PTPRN2: variants seen among roughly 807,000 people sequenced by gnomAD.
PTPRN2 encodes receptor-type tyrosine-protein phosphatase N2.
PTPRN2 carries 74 observed loss-of-function variants against 118.8 expected under a neutral mutation model. The ratio of observed to expected loss-of-function variants is 0.62; its 90% CI spans 0.52 to 0.76. The LOEUF (loss-of-function observed/expected upper bound fraction) is 0.76, where lower values mean the gene tolerates loss of function less well. PTPRN2 is among the 30% of genes least tolerant of loss of function. The probability of loss-of-function intolerance (pLI) is 0.00; values close to 1 mark genes in which losing one functional copy is unlikely to be tolerated. For missense variants in PTPRN2, 1,481 were observed against 1,394.4 expected, an observed-to-expected ratio of 1.06 and a Z score of -0.99; for synonymous variants, 641 against 608.0, an observed-to-expected ratio of 1.05 and a Z score of -0.80.
intron 1 of PTPRN2, among the ~76,000 whole-genome samples, chr7:158,510,983 G>A (rs1324693634): frequency 6.6e-6 from 1 of 152,228 alleles, no homozygotes; most frequent in Admixed American, 6.5e-5. Context: ...GAGGTCACAT[G>A]GGGTTGGCAA....
In PTPRN2 at chr7:158,031,474, C is replaced by T. The variant is rs147373792; in HGVS notation, c.1723+49824G>A. ...TAACCAATATGTTTGTGCCAAATTC[C>T]GTCACTCTGTGAGAATACAGTGTAC... On this transcript the variant is annotated intron_variant, in intron 11 of 22. Coordinates refer to ENST00000389418, the MANE Select transcript of PTPRN2 (RefSeq NM_002847.5). Among the ~76,000 whole-genome samples, 680 of 152,250 alleles carry T rather than the reference C, an allele frequency of 4.5e-3. 7 individuals carry two copies. Among genetic ancestry groups the T allele is most frequent in the African/African-American group, 0.015 (636 of 41,548 alleles).
Position 157,587,704 on chromosome 7 carries a change from C to T in PTPRN2, c.2496+7534G>A, listed in dbSNP as rs975314736. Among the ~76,000 whole-genome samples the T allele has an allele frequency of 6.6e-6, 1 of 152,242 alleles. No individual in the cohort carries two copies. The highest frequency in any genetic ancestry group is 1.5e-5 in the Non-Finnish European group (1 of 68,042). On this transcript the variant is annotated intron_variant, in intron 17 of 22. Coordinates refer to ENST00000389418, the MANE Select transcript of PTPRN2 (RefSeq NM_002847.5). This position sits in a 1 kb window ranked among gnomAD's most constrained non-coding sequence, Gnocchi z 5.3. ...CTTCAGCGAGCGCTTTGTGCTCTCT[C>T]TGGGGGCCAGGAGAGCTGTTTCGTG...
intron 12 of PTPRN2, among the ~76,000 whole-genome samples, chr7:157,731,394 C>T (rs902750662): frequency 5.3e-5 from 8 of 152,202 alleles, no homozygotes; most frequent in Admixed American, 3.9e-4. Flanking sequence ...CAGTACAAAA[C>T]CCATGGACAG....
At chr7:157,698,512 G>C (rs1797917709) in intron 12 of PTPRN2, among the ~76,000 whole-genome samples, 1 of 152,184 alleles carries the variant, frequency 6.6e-6, no homozygotes, top group Non-Finnish European at 1.5e-5. Flanking sequence ...AGGATTGGCT[G>C]ACAAATATGT....
chr7:158,188,905 C>CTAATGAG (rs1825528916), intron 5 of PTPRN2, among the ~76,000 whole-genome samples: 1 of 152,158 alleles, frequency 6.6e-6, no homozygotes, highest in Non-Finnish European at 1.5e-5. Context: ...GGCCACGGGC[C>CTAATGAG]CTTTGGCCTA....
chr7:158,081,735 T>C (rs1266060685), intron 10 of PTPRN2, among the ~76,000 whole-genome samples: 1 of 152,206 alleles, frequency 6.6e-6, no homozygotes, highest in Admixed American at 6.5e-5. Flanking sequence ...CCAAGGGAGA[T>C]GTATGAATCT....
intron 2 of PTPRN2, among the ~76,000 whole-genome samples, chr7:158,327,595 C>G (rs1469466942): frequency 6.6e-6 from 1 of 152,230 alleles, no homozygotes; most frequent in Non-Finnish European, 1.5e-5. Flanking sequence ...TACACACTCA[C>G]TACTCACACT....
chr7:158,270,337 C>T (rs73746449), intron 3 of PTPRN2, among the ~76,000 whole-genome samples: 107 of 152,162 alleles, frequency 7.0e-4, no homozygotes, highest in African/African-American at 2.1e-3. Context: ...GGGAGCCAGG[C>T]GGGGGCACTG....
intron 1 of PTPRN2, among the ~76,000 whole-genome samples, chr7:158,528,718 T>C (rs10248370): frequency 0.49 from 73,959 of 149,412 alleles, 18,313 homozygotes; most frequent in South Asian, 0.67. Context: ...GGCATGAACA[T>C]GGGAGGCGGA....
At position 157,779,514 on chromosome 7, in the gene PTPRN2, A is replaced by C. The variant is rs2151049178; in HGVS notation, c.1789-96577T>G. ...GCAGGAACCCCCAAATTCCCTCCTC[A>C]GGCCAGTGCCCTCCACGTTGTCCCC... is the stretch of plus-strand genomic sequence containing the variant. On this transcript the variant is annotated intron_variant, in intron 12 of 22. Transcript: ENST00000389418. This position sits in a 1 kb window ranked among gnomAD's most constrained non-coding sequence, Gnocchi z 4.7. 6.6e-6 allele frequency among the ~76,000 whole-genome samples: 1 copy of C among 152,090 alleles called. No homozygotes were observed. The highest frequency in any genetic ancestry group is 3.4e-3 in the Middle Eastern group (1 of 294).
chr7:157,918,291 T>A (rs151126231), intron 11 of PTPRN2, among the ~76,000 whole-genome samples: 10 of 152,276 alleles, frequency 6.6e-5, no homozygotes, highest in East Asian at 3.9e-4. Flanking sequence ...TAATGAGAAA[T>A]CTGAAGATCC....
At chr7:157,544,887 T>A (rs1202869078) in intron 22 of PTPRN2, among the ~76,000 whole-genome samples, 2 of 150,038 alleles carry the variant, frequency 1.3e-5, no homozygotes, top group African/African-American at 4.9e-5. Context: ...CGTGTGTGGG[T>A]GTGTAGGTGT....
At chr7:158,059,133 C>A (rs1442058843) in intron 11 of PTPRN2, among the ~76,000 whole-genome samples, 11 of 101,026 alleles carry the variant, frequency 1.1e-4, no homozygotes, top group Non-Finnish European at 1.1e-4. Context: ...CTCCATCTGC[C>A]CACGGTGAGA....
In PTPRN2 at chr7:157,986,169, TC is replaced by T. The variant is rs1436280549; in HGVS notation, c.1724-87433del. Among the ~76,000 whole-genome samples the T allele has an allele frequency of 6.6e-6, 1 of 152,146 alleles. No individual in the cohort carries two copies. Among genetic ancestry groups the T allele is most frequent in the Non-Finnish European group, 1.5e-5 (1 of 68,026 alleles). On this transcript the variant is annotated intron_variant, in intron 11 of 22. Coordinates refer to ENST00000389418, the MANE Select transcript of PTPRN2 (RefSeq NM_002847.5). This position sits in a 1 kb window ranked among gnomAD's most constrained non-coding sequence, Gnocchi z 4.5. ...GATACCCTCATCTACAGCCCCGCTC[TC>T]GTATGTCCGGGGGAAGCTATGGAGA...
chr7:157,736,661 T>C (rs1426491635), intron 12 of PTPRN2, among the ~76,000 whole-genome samples: 1 of 152,140 alleles, frequency 6.6e-6, no homozygotes, highest in Non-Finnish European at 1.5e-5. Context: ...CGTGATGACT[T>C]ACACACAGAT....
At chr7:158,275,684 G>C (rs1206726837) in intron 3 of PTPRN2, among the ~76,000 whole-genome samples, 1 of 152,202 alleles carries the variant, frequency 6.6e-6, no homozygotes, top group African/African-American at 2.4e-5. Flanking sequence ...GAGAATCGAG[G>C]TACTACGTTA....
At chr7:158,291,491 G>T (rs143845546) in intron 3 of PTPRN2, among the ~76,000 whole-genome samples, 1 of 152,078 alleles carries the variant, frequency 6.6e-6, no homozygotes, top group East Asian at 1.9e-4. Flanking sequence ...ACTAGATTTT[G>T]GTTGATTTCT....
At chr7:158,090,086 G>GA (rs1813975399) in intron 10 of PTPRN2, among the ~76,000 whole-genome samples, 1 of 120,782 alleles carries the variant, frequency 8.3e-6, no homozygotes, top group Non-Finnish European at 1.8e-5. Context: ...ATGAAAGAGG[G>GA]GGTCTTCACA....
rs923637052 is a variant in PTPRN2 at position 158,517,988 on chromosome 7, G to A, written c.113-28203C>T. Among the ~76,000 whole-genome samples the A allele has an allele frequency of 2.6e-5, 4 of 152,138 alleles. No homozygotes were observed. The highest frequency in any genetic ancestry group is 4.1e-4 in the South Asian group (2 of 4,822). ...AGGGCTCCCTAATTCCTGACCGGGC[G>A]GGGCACCCCTGCAACATTCTCCCAG... On this transcript the variant is annotated intron_variant, in intron 1 of 22. Coordinates refer to ENST00000389418, the MANE Select transcript of PTPRN2 (RefSeq NM_002847.5). This position sits in a 1 kb window ranked among gnomAD's most constrained non-coding sequence, Gnocchi z 5.3.
Sources: allele counts gnomAD v4.1 joint callset (sites outside exome capture counted in the v4.1 genomes callset), GRCh38; gene constraint gnomAD v4.1.1; non-coding constraint Gnocchi (gnomAD v3.1); transcripts MANE v1.5; gene names NCBI Gene and HGNC (gene_info 2026-07-23, HGNC 2026-07-21).